PLXDC2: variants seen among roughly 807,000 people sequenced by gnomAD.
The protein encoded by PLXDC2 is plexin domain-containing protein 2.
PLXDC2 carries 40 observed loss-of-function variants against 68.9 expected under a neutral mutation model. The ratio of observed to expected loss-of-function variants is 0.58; its 90% CI spans 0.45 to 0.76. PLXDC2 has a LOEUF of 0.76. Among genes scored for constraint, PLXDC2 ranks in the 30% least tolerant of loss-of-function variants. The pLI is 0.00. For synonymous variants in PLXDC2, 243 were observed against 234.2 expected (o/e 1.04, Z -0.34); for missense variants, 644 against 661.9 (o/e 0.97, Z 0.30).
chr10:20,286,761 G>A lies in PLXDC2; in HGVS notation c.*6942G>A, dbSNP rs1453252193. 6.6e-6 allele frequency: 1 copy of A among 152,204 alleles called. No homozygotes were observed. The highest frequency in any genetic ancestry group is 2.4e-5 in the African/African-American group (1 of 41,432). 9.4% of individuals were successfully genotyped at this position (152,204 alleles called of 1,614,324 possible). On this transcript the variant is annotated 3_prime_UTR_variant, in exon 14 of 14. Transcript: ENST00000377252. ...TTGTTTGAGATGGGGTTTTGCTCTT[G>A]TTACCCAGGCTGGAGTGCAATGGCG... is the stretch of plus-strand genomic sequence containing the variant.
chr10:20,016,611 C>T (rs2131650282), intron 2 of PLXDC2, among the ~76,000 whole-genome samples: 1 of 152,318 alleles, frequency 6.6e-6, no homozygotes, highest in Middle Eastern at 3.4e-3. Context: ...AAAGTGTTTA[C>T]CTGGTGGCCA....
At chr10:19,976,345 C>T (rs893518058) in intron 1 of PLXDC2, among the ~76,000 whole-genome samples, 31 of 152,044 alleles carry the variant, frequency 2.0e-4, no homozygotes, top group African/African-American at 7.0e-4. Context: ...TCCCGAGTAG[C>T]TGGAATTACA....
intron 4 of PLXDC2, among the ~76,000 whole-genome samples, chr10:20,080,066 G>A (rs1476696187): frequency 6.6e-6 from 1 of 152,154 alleles, no homozygotes; most frequent in African/African-American, 2.4e-5. Context: ...AAAGAGAACT[G>A]TAACAACTAA....
At chr10:19,982,681 A>C (rs149851685) in intron 1 of PLXDC2, among the ~76,000 whole-genome samples, 42 of 152,228 alleles carry the variant, frequency 2.8e-4, no homozygotes, top group African/African-American at 8.9e-4. Context: ...CTTTTTTGAG[A>C]TGTCTACCCA....
intron 1 of PLXDC2, among the ~76,000 whole-genome samples, chr10:19,913,117 A>T (rs1833304283): frequency 6.6e-6 from 1 of 152,214 alleles, no homozygotes; most frequent in African/African-American, 2.4e-5. Context: ...ATCTAGGAAC[A>T]TCAGTGACAT....
intron 12 of PLXDC2, among the ~76,000 whole-genome samples, chr10:20,233,987 C>CTTTT (rs113028024): frequency 1.4e-5 from 2 of 144,904 alleles, no homozygotes. Flanking sequence ...TGCCCACCTA[C>CTTTT]TTTTTTTTTT....
intron 1 of PLXDC2, among the ~76,000 whole-genome samples, chr10:19,993,100 C>G (rs1376569365): frequency 6.6e-6 from 1 of 152,190 alleles, no homozygotes; most frequent in Non-Finnish European, 1.5e-5. Context: ...AAGCCCATTA[C>G]TAACCCTAAA....
chr10:20,184,119 T>C (rs1047550955), intron 9 of PLXDC2, among the ~76,000 whole-genome samples: 3 of 151,854 alleles, frequency 2.0e-5, no homozygotes, highest in African/African-American at 7.2e-5. Context: ...AAATATGAGA[T>C]GATGGAAAAA....
rs373434069 is a variant in PLXDC2 at position 20,217,581 on chromosome 10, C to G, written c.1273+5C>G. On this transcript the variant is annotated splice_donor_5th_base_variant and intron_variant, in intron 11 of 13. Coordinates refer to ENST00000377252, the MANE Select transcript of PLXDC2 (RefSeq NM_032812.9). ...CCACCAGCCTCCCTACAGAAGGTAC[C>G]CAAGAGATAGTTTGCTTTTTTTTTT... 68 of 1,390,300 alleles carry G rather than the reference C, an allele frequency of 4.9e-5. No individual in the cohort carries two copies. Among genetic ancestry groups the G allele is most frequent in the Non-Finnish European group, 6.5e-5 (67 of 1,029,492 alleles). 86.1% of individuals were successfully genotyped at this position (1,390,300 alleles called of 1,614,324 possible). A position where few individuals can be genotyped will look rare whatever the true frequency, so the allele number is the denominator to read the frequency against.
chr10:20,264,410 A>G (rs1351012665), intron 13 of PLXDC2, among the ~76,000 whole-genome samples: 1 of 152,156 alleles, frequency 6.6e-6, no homozygotes, highest in Non-Finnish European at 1.5e-5. Context: ...ACAAATCCTT[A>G]TTACATGTGT....
At chr10:20,008,313 G>T (rs1370295835) in intron 2 of PLXDC2, among the ~76,000 whole-genome samples, 1 of 152,122 alleles carries the variant, frequency 6.6e-6, no homozygotes, top group Non-Finnish European at 1.5e-5. Context: ...CCAGCACTTT[G>T]GGAGGCCGAG....
intron 1 of PLXDC2, among the ~76,000 whole-genome samples, chr10:19,973,802 G>T (rs1287486124): frequency 6.6e-6 from 1 of 152,184 alleles, no homozygotes; most frequent in Non-Finnish European, 1.5e-5. Context: ...TATGGGGACT[G>T]AGCTCCCTGG....
chr10:20,245,904 G>A (rs1588540621), intron 13 of PLXDC2, among the ~76,000 whole-genome samples: 1 of 152,120 alleles, frequency 6.6e-6, no homozygotes, highest in Admixed American at 6.5e-5. Flanking sequence ...TTGAGTATTG[G>A]CTGTATGCAT....
At chr10:19,969,993 G>T (rs1834324412) in intron 1 of PLXDC2, among the ~76,000 whole-genome samples, 1 of 152,180 alleles carries the variant, frequency 6.6e-6, no homozygotes, top group Admixed American at 6.5e-5. Context: ...ACATAAAGTG[G>T]CTACATTTTT....
intron 4 of PLXDC2, among the ~76,000 whole-genome samples, chr10:20,128,375 T>C (rs1031192593): frequency 6.6e-6 from 1 of 152,216 alleles, no homozygotes; most frequent in Non-Finnish European, 1.5e-5. Context: ...CACTGAGATA[T>C]AATTGGCAAA....
At position 20,010,755 on chromosome 10, in the gene PLXDC2, A is replaced by G. The variant is rs370707924; in HGVS notation, c.324+8769A>G. Reference sequence around the variant, plus strand: ...TAATATTCTTGCATTCTCCATGTTCAAAGAGAAATCTCATATTTAATCTCC... The same window carrying G: ...TAATATTCTTGCATTCTCCATGTTCGAAGAGAAATCTCATATTTAATCTCC... On this transcript the variant is annotated intron_variant, in intron 2 of 13. Transcript: ENST00000377252. 9.2e-5 allele frequency among the ~76,000 whole-genome samples: 14 copies of G among 152,334 alleles called. No individual in the cohort carries two copies. The East Asian group carries it at 1.5e-3, about 17-fold the overall frequency.
At chr10:19,943,010 G>A (rs181946544) in intron 1 of PLXDC2, among the ~76,000 whole-genome samples, 3 of 152,266 alleles carry the variant, frequency 2.0e-5, no homozygotes, top group African/African-American at 4.8e-5. Context: ...GCCACTAATT[G>A]TAATCTCACC....
Position 20,219,064 on chromosome 10 carries a change from A to G in PLXDC2, c.1274A>G (p.Asp425Gly). ...TAGTAACTTTGAATTTCTCTTCCAG[A>G]TGATACCAAGATAGCACTACATCTA... ...SQFPTSLPTE[D>G]DTKIALHLKD... is the part of the protein sequence containing the mutation. Residue 425 changes from aspartate to glycine, a missense_variant and splice_region_variant, in exon 12 of 14, where the codon GAT becomes GGT. This residue lies in a region of PLXDC2 where 330 missense variants were observed against 327.9 expected (regional missense o/e 1.01). Transcript: ENST00000377252. 6.2e-7 allele frequency: 1 copy of G among 1,607,976 alleles called. No individual in the cohort carries two copies. Among genetic ancestry groups the G allele is most frequent in the Non-Finnish European group, 8.5e-7 (1 of 1,177,392 alleles).
chr10:20,245,482 GC>G lies in PLXDC2; in HGVS notation c.1451del (p.Ala484GlufsTer17). The G allele has an allele frequency of 6.2e-7, 1 of 1,611,958 alleles. No homozygotes were observed. Among genetic ancestry groups the G allele is most frequent in the Non-Finnish European group, 8.5e-7 (1 of 1,179,556 alleles). ...CTATATGTATCACCACCCAACATCA[GC>G]AGCCAGCATCTTCTTTATTGAGGTA... is the stretch of plus-strand genomic sequence containing the variant. ...TVYMYHHPTS[A>X]ASIFFIERRP... On this transcript the variant is annotated frameshift_variant, in exon 13 of 14. Transcript: ENST00000377252. LOFTEE classifies it high-confidence loss of function.
Sources: allele counts gnomAD v4.1 joint callset (sites outside exome capture counted in the v4.1 genomes callset), GRCh38; gene constraint gnomAD v4.1.1; regional missense constraint gnomAD v4.1.1; transcripts MANE v1.5; gene names NCBI Gene and HGNC (gene_info 2026-07-23, HGNC 2026-07-21).